The following PRKCE variants were observed in gnomAD, a reference collection of about 807,000 sequenced individuals.
PRKCE encodes the protein protein kinase C epsilon type.
In PRKCE, 16 loss-of-function variants were observed where a neutral mutation model predicts 85.4. The ratio of observed to expected loss-of-function variants is 0.19; its 90% CI spans 0.13 to 0.28. PRKCE has a LOEUF of 0.28. Among genes scored for constraint, PRKCE ranks in the 10% least tolerant of loss-of-function variants. The pLI, the probability that PRKCE is intolerant of heterozygous loss-of-function variation, is 1.00. For synonymous variants in PRKCE, 388 were observed against 371.5 expected, an observed-to-expected ratio of 1.04 and a Z score of -0.51; for missense variants, 573 against 975.2, an observed-to-expected ratio of 0.59 and a Z score of 5.49.
chr2:45,810,077 G>A (rs572254636), intron 1 of PRKCE, among the ~76,000 whole-genome samples: 3 of 151,926 alleles, frequency 2.0e-5, no homozygotes, highest in African/African-American at 4.8e-5. Flanking sequence ...TCTCGCTCTT[G>A]TCCCCCAGGC....
At chr2:45,748,162 G>A (rs185670434) in intron 1 of PRKCE, among the ~76,000 whole-genome samples, 2 of 152,190 alleles carry the variant, frequency 1.3e-5, no homozygotes, top group Non-Finnish European at 2.9e-5. Context: ...ACATCTGAAG[G>A]CAGGCATGTG....
At chr2:46,038,895 T>A (rs181698459) in intron 10 of PRKCE, among the ~76,000 whole-genome samples, 15 of 152,336 alleles carry the variant, frequency 9.8e-5, no homozygotes, top group Non-Finnish European at 1.6e-4. Context: ...ATGAACATCT[T>A]CAGGTTGGGA....
At chr2:45,921,511 A>G (rs1015925213) in intron 2 of PRKCE, among the ~76,000 whole-genome samples, 5 of 152,206 alleles carry the variant, frequency 3.3e-5, no homozygotes, top group South Asian at 2.1e-4. Context: ...GTTATGTACT[A>G]TTATTGGCCC....
intron 2 of PRKCE, among the ~76,000 whole-genome samples, chr2:45,921,711 T>C (rs755278620): frequency 6.6e-6 from 1 of 152,184 alleles, no homozygotes; most frequent in Non-Finnish European, 1.5e-5. Flanking sequence ...TGTGCCATTA[T>C]ACAACAAAGG....
At chr2:45,736,591 C>G (rs1410525466) in intron 1 of PRKCE, among the ~76,000 whole-genome samples, 1 of 152,344 alleles carries the variant, frequency 6.6e-6, no homozygotes, top group East Asian at 1.9e-4. Context: ...CCTGACACTG[C>G]CTGCCTCTCC....
chr2:45,926,292 A>G (rs1202179115), intron 2 of PRKCE, among the ~76,000 whole-genome samples: 1 of 152,192 alleles, frequency 6.6e-6, no homozygotes, highest in Non-Finnish European at 1.5e-5. Flanking sequence ...AGAGGGGGGA[A>G]TCAGTGCTTT....
chr2:45,656,894 A>C (rs543985373), intron 1 of PRKCE, among the ~76,000 whole-genome samples: 4 of 152,224 alleles, frequency 2.6e-5, no homozygotes, highest in Non-Finnish European at 5.9e-5. Context: ...TAACTTTATA[A>C]TTTTTAAAGA....
At chr2:45,677,557 C>G (rs1266888408) in intron 1 of PRKCE, among the ~76,000 whole-genome samples, 1 of 152,068 alleles carries the variant, frequency 6.6e-6, no homozygotes, top group African/African-American at 2.4e-5. Flanking sequence ...GGGGTTTCAC[C>G]TTGTTAGCCA....
At chr2:46,038,651 TCACACACACACACACACACA>T (rs3222422) in intron 10 of PRKCE, among the ~76,000 whole-genome samples, 41 of 128,728 alleles carry the variant, frequency 3.2e-4, no homozygotes, top group East Asian at 1.2e-3. Context: ...AGTAACAACT[TCACACACACACACACACACA>T]CACACACACA....
chr2:46,146,445 TGATA>T (rs1383185588), intron 12 of PRKCE, among the ~76,000 whole-genome samples: 1 of 152,020 alleles, frequency 6.6e-6, no homozygotes, highest in Admixed American at 6.6e-5. Flanking sequence ...CTAAAGGGAG[TGATA>T]GATAAGTAAA....
At chr2:45,946,257 T>TC (rs1180964883) in intron 2 of PRKCE, among the ~76,000 whole-genome samples, 1 of 152,248 alleles carries the variant, frequency 6.6e-6, no homozygotes, top group African/African-American at 2.4e-5. Flanking sequence ...TTATGCCCGG[T>TC]CATCTATGAC....
At chr2:45,745,613 TAAAA>T (rs919716069) in intron 1 of PRKCE, among the ~76,000 whole-genome samples, 14 of 152,098 alleles carry the variant, frequency 9.2e-5, no homozygotes, top group African/African-American at 3.4e-4. Flanking sequence ...TATGGGGTGT[TAAAA>T]AAATTATAAC....
In PRKCE at chr2:45,681,465, T is replaced by C. The variant is rs11676746; in HGVS notation, c.348+29017T>C. The stretch of plus-strand genomic sequence containing the variant: ...GGTCCCATTATATCTATTTGTAAAC[T>C]GAGTCATGAAAAAGTTGTCAGAGTA... On this transcript the variant is annotated intron_variant, in intron 1 of 14. Coordinates refer to ENST00000306156, the MANE Select transcript of PRKCE (RefSeq NM_005400.3). Among the ~76,000 whole-genome samples the C allele has an allele frequency of 8.9e-3, 1,357 of 152,230 alleles. 13 individuals are homozygous for C. Among genetic ancestry groups the C allele is most frequent in the South Asian group, 0.025 (122 of 4,816 alleles).
intron 2 of PRKCE, among the ~76,000 whole-genome samples, chr2:45,929,984 A>G (rs1401981780): frequency 2.0e-5 from 3 of 152,256 alleles, no homozygotes; most frequent in Non-Finnish European, 4.4e-5. Context: ...CTTATTGAGT[A>G]AATGAATCAT....
chr2:45,984,960 A>G (rs1703191879), intron 6 of PRKCE, among the ~76,000 whole-genome samples: 1 of 152,230 alleles, frequency 6.6e-6, no homozygotes, highest in South Asian at 2.1e-4. Context: ...GAGTCTACAA[A>G]AGCATAATAA....
chr2:45,872,630 T>A (rs1694181136), intron 2 of PRKCE, among the ~76,000 whole-genome samples: 1 of 152,140 alleles, frequency 6.6e-6, no homozygotes, highest in South Asian at 2.1e-4. Context: ...TTTGGATATA[T>A]TTGAGCGGGA....
intron 1 of PRKCE, among the ~76,000 whole-genome samples, chr2:45,681,582 C>T (rs1371182613): frequency 6.6e-6 from 1 of 152,206 alleles, no homozygotes; most frequent in African/African-American, 2.4e-5. Flanking sequence ...TCCCACTTGA[C>T]TCCTTGAGCT....
intron 1 of PRKCE, among the ~76,000 whole-genome samples, chr2:45,683,485 A>ATT (rs1311934311): frequency 3.1e-4 from 47 of 152,342 alleles, no homozygotes; most frequent in Non-Finnish European, 4.7e-4. Flanking sequence ...CCCGAGGAGT[A>ATT]AGGTGCCAAG....
intron 2 of PRKCE, among the ~76,000 whole-genome samples, chr2:45,933,782 C>G (rs1699240887): frequency 6.6e-6 from 1 of 152,058 alleles, no homozygotes; most frequent in Non-Finnish European, 1.5e-5. Context: ...AGCATGCCTG[C>G]CTTTTTAACT....
Sources: gnomAD v4.1 joint callset for allele counts (sites outside exome capture counted in the v4.1 genomes callset) on GRCh38, gnomAD v4.1.1 for gene constraint, MANE v1.5 for transcripts, NCBI Gene and HGNC (gene_info 2026-07-23, HGNC 2026-07-21) for gene names.